The following PSME4 variants were observed in gnomAD, a reference collection of about 807,000 sequenced individuals.
PSME4 encodes the protein proteasome activator complex subunit 4.
In PSME4, 89 loss-of-function variants were observed where a neutral mutation model predicts 253.9. That is an observed-to-expected ratio of 0.35 (90% CI 0.30 to 0.42). PSME4 has a LOEUF of 0.42. Among genes scored for constraint, PSME4 ranks in the 10% least tolerant of loss-of-function variants. PSME4 has a pLI of 1.00. For synonymous variants in PSME4, 851 were observed against 759.2 expected, an observed-to-expected ratio of 1.12 and a Z score of -1.99; for missense variants, 2,014 against 2,195.2, an observed-to-expected ratio of 0.92 and a Z score of 1.65.
At chr2:53,956,205 T>C (rs560981934) in intron 1 of PSME4, among the ~76,000 whole-genome samples, 1 of 152,246 alleles carries the variant, frequency 6.6e-6, no homozygotes, top group East Asian at 1.9e-4. Flanking sequence ...TTTGTGTTTT[T>C]CAAAACACAT....
intron 3 of PSME4, among the ~76,000 whole-genome samples, chr2:53,943,567 G>A (rs887831488): frequency 6.6e-5 from 10 of 152,134 alleles, no homozygotes; most frequent in African/African-American, 2.4e-4. Flanking sequence ...TACGCCAGGT[G>A]CAGTGGCTCA....
chr2:53,943,795 T>C (rs907095076), intron 3 of PSME4, among the ~76,000 whole-genome samples: 1 of 145,906 alleles, frequency 6.9e-6, no homozygotes, highest in Admixed American at 7.0e-5. Flanking sequence ...TGAGTCCAGA[T>C]TGTGCCACTG....
intron 20 of PSME4, among the ~76,000 whole-genome samples, chr2:53,917,827 AAATC>A (rs1243701254): frequency 6.6e-6 from 1 of 152,254 alleles, no homozygotes; most frequent in African/African-American, 2.4e-5. Flanking sequence ...ATATTGTTCA[AAATC>A]AATCTTTTTT....
At chr2:53,963,053 G>A (rs893951739) in intron 1 of PSME4, among the ~76,000 whole-genome samples, 1 of 150,906 alleles carries the variant, frequency 6.6e-6, no homozygotes, top group Non-Finnish European at 1.5e-5. Flanking sequence ...AGTGGCTCAC[G>A]CATGTAATCC....
At chr2:53,916,320 G>A (rs1668062816) in intron 20 of PSME4, among the ~76,000 whole-genome samples, 1 of 150,546 alleles carries the variant, frequency 6.6e-6, no homozygotes. Flanking sequence ...AATGCATAAT[G>A]TCTCCTGTCT....
chr2:53,957,400 T>C (rs12994003), intron 1 of PSME4, among the ~76,000 whole-genome samples: 1 of 152,178 alleles, frequency 6.6e-6, no homozygotes, highest in African/African-American at 2.4e-5. Flanking sequence ...GCAACTTAGA[T>C]GGTCCCATTG....
chr2:53,919,157 GTA>G lies in PSME4; in HGVS notation c.2508_2509del (p.Thr837Ter). On this transcript the variant is annotated frameshift_variant, in exon 20 of 47. Transcript: ENST00000404125. LOFTEE classifies it high-confidence loss of function. ...AACAGTTATTTTTACTTACAAGTTA[GTA>G]ACTGGCTCTCCTTTCAACGGAGGTA... 1 of 1,610,778 alleles carries G rather than the reference GTA, an allele frequency of 6.2e-7. No individual in the cohort carries two copies. The highest frequency in any genetic ancestry group is 1.7e-4 in the Middle Eastern group (1 of 5,912).
chr2:53,910,103 C>T lies in PSME4; in HGVS notation c.2544G>A (p.Glu848=). 6.2e-7 allele frequency: 1 copy of T among 1,608,602 alleles called. No homozygotes were observed. Among genetic ancestry groups the T allele is most frequent in the Non-Finnish European group, 8.5e-7 (1 of 1,175,026 alleles). The part of the protein sequence containing the change: ...NLVPSMVSLE[E]TKLYTGLEYD... The stretch of plus-strand genomic sequence containing the variant: ...ATTCAAGTCCAGTATACAACTTTGT[C>T]TCTTCCAAGGACACCATACTTGGTA... The change falls in exon 21 of 47, where the codon GAG becomes GAA. Residue 848 remains glutamate, a synonymous_variant. Coordinates refer to ENST00000404125, the MANE Select transcript of PSME4 (RefSeq NM_014614.3).
At chr2:53,911,505 G>T (rs959554491) in intron 20 of PSME4, among the ~76,000 whole-genome samples, 7 of 152,078 alleles carry the variant, frequency 4.6e-5, no homozygotes, top group African/African-American at 1.4e-4. Flanking sequence ...TGAACGTTAT[G>T]TCTTTACTGA....
chr2:53,887,025 G>T (rs1679670037), intron 40 of PSME4, among the ~76,000 whole-genome samples: 1 of 152,104 alleles, frequency 6.6e-6, no homozygotes, highest in African/African-American at 2.4e-5. Flanking sequence ...GTTGTTAAAG[G>T]GTACAAAGTT....
intron 34 of PSME4, among the ~76,000 whole-genome samples, chr2:53,894,490 T>C (rs984604808): frequency 6.7e-6 from 1 of 149,134 alleles, no homozygotes; most frequent in Non-Finnish European, 1.5e-5. Context: ...CAGGATGGTC[T>C]CAAACTCCTG....
chr2:53,874,579 GT>G, intron 42 of PSME4, 85 bp from the exon 43 acceptor site: 1 of 1,260,928 alleles, frequency 7.9e-7, no homozygotes, highest in South Asian at 1.3e-5. Context: ...CACAAACAAT[GT>G]AATATTCTAA....
intron 10 of PSME4, among the ~76,000 whole-genome samples, chr2:53,928,704 G>A (rs1280611726): frequency 6.6e-6 from 1 of 152,120 alleles, no homozygotes; most frequent in Non-Finnish European, 1.5e-5. Context: ...ACTATCCATG[G>A]TTTCAGGTAT....
intron 41 of PSME4, among the ~76,000 whole-genome samples, 170 bp from the exon 42 acceptor site, chr2:53,875,925 A>G (rs951073730): frequency 9.2e-5 from 14 of 152,324 alleles, no homozygotes; most frequent in African/African-American, 3.4e-4. Flanking sequence ...CACCTCTTCA[A>G]TAATGACAAA....
chr2:53,898,079 A>C, intron 30 of PSME4, 80 bp from the exon 31 acceptor site: 1 of 1,468,902 alleles, frequency 6.8e-7, no homozygotes, highest in Non-Finnish European at 9.3e-7. Flanking sequence ...AACACCTTAT[A>C]ATTTTAAATT....
In PSME4 at chr2:53,948,556, T is replaced by C; in HGVS notation, c.384-19A>G. 7.0e-7 allele frequency: 1 copy of C among 1,437,942 alleles called. No individual in the cohort carries two copies. Among genetic ancestry groups the C allele is most frequent in the Non-Finnish European group, 9.8e-7 (1 of 1,020,856 alleles). 89.1% of individuals were successfully genotyped at this position (1,437,942 alleles called of 1,614,324 possible). ...CTTTTTCCTAAAAAGTAAAATAAAA[T>C]AAATACCTATGTATGCATATGTGCA... On this transcript the variant is annotated intron_variant, in intron 2 of 46. Coordinates refer to ENST00000404125, the MANE Select transcript of PSME4 (RefSeq NM_014614.3).
Position 53,873,238 on chromosome 2 carries a change from C to CAAAAAAAAAAAAAAAAAAA in PSME4, c.5100+1100_5100+1101insTTTTTTTTTTTTTTTTTTT, listed in dbSNP as rs60203960. The stretch of plus-strand genomic sequence containing the variant: ...CCTGGGTAACAGCGAGACTCCGTCT[C>CAAAAAAAAAAAAAAAAAAA]AAAAAAAAAGAAAAAAAAAAACAGT... On this transcript the variant is annotated intron_variant, in intron 43 of 46. Transcript: ENST00000404125. 1.1e-3 allele frequency among the ~76,000 whole-genome samples: 138 copies of CAAAAAAAAAAAAAAAAAAA among 123,012 alleles called. 2 individuals carry two copies. The highest frequency in any genetic ancestry group is 2.2e-3 in the African/African-American group (64 of 29,310). The allele number at this position is 123,012 out of a possible 152,430, so 80.7% of individuals were successfully genotyped here. A position where few individuals can be genotyped will look rare whatever the true frequency, so the allele number is the denominator to read the frequency against.
intron 43 of PSME4, chr2:53,870,256 GTACGTAAC>G (rs1678805119): frequency 6.6e-6 from 1 of 152,022 alleles, no homozygotes; most frequent in Non-Finnish European, 1.5e-5. Context: ...CGTCTGTCGA[GTACGTAAC>G]ATGTTCTTTG....
chr2:53,876,874 T>C lies in PSME4; in HGVS notation c.4816-1119A>G, dbSNP rs574317375. Among the ~76,000 whole-genome samples, 717 of 151,644 alleles carry C rather than the reference T, an allele frequency of 4.7e-3. 1 individual carries two copies. Among genetic ancestry groups the C allele is most frequent in the Non-Finnish European group, 7.7e-3 (520 of 67,886 alleles). On this transcript the variant is annotated intron_variant, in intron 41 of 46. Coordinates refer to ENST00000404125, the MANE Select transcript of PSME4 (RefSeq NM_014614.3). ...CTGGGACCACAGGCACGCACCACCG[T>C]GTCCAGCTATTTTTTTTTTTAAATG...
Sources: gnomAD v4.1 joint callset for allele counts (sites outside exome capture counted in the v4.1 genomes callset) on GRCh38, gnomAD v4.1.1 for gene constraint, MANE v1.5 for transcripts, NCBI Gene and HGNC (gene_info 2026-07-23, HGNC 2026-07-21) for gene names.